HERC2: variants seen among roughly 807,000 people sequenced by gnomAD.
HERC2 encodes HECT and RLD domain containing E3 ubiquitin protein ligase 2, also known as E3 ubiquitin-protein ligase HERC2.
HERC2 carries 102 observed loss-of-function variants against 537.7 expected under a neutral mutation model. That is an observed-to-expected ratio of 0.19 (90% CI 0.16 to 0.22). The LOEUF (loss-of-function observed/expected upper bound fraction) is 0.22, where lower values mean the gene tolerates loss of function less well. HERC2 is among the 10% of genes least tolerant of loss of function. The probability of loss-of-function intolerance (pLI) is 1.00; values close to 1 mark genes in which losing one functional copy is unlikely to be tolerated. For synonymous variants in HERC2, 2,224 were observed against 2,466.2 expected (o/e 0.90, Z 2.91); for missense variants, 4,236 against 6,198.2 (o/e 0.68, Z 10.63).
chr15:28,215,659 C>G lies in HERC2; in HGVS notation c.6172G>C (p.Gly2058Arg). 1.9e-6 allele frequency: 3 copies of G among 1,611,756 alleles called. No individual in the cohort carries two copies. Among genetic ancestry groups the G allele is most frequent in the Non-Finnish European group, 1.7e-6 (2 of 1,179,694 alleles). The part of the protein sequence containing the change: ...WITLLMKVVE[G>R]HAPFTATSLQ... ...GAGGTGGCAGTGAAGGGTGCGTGCCCTTCCACGACCTTCATGAGCAGCGTG... is the reference window on the plus strand; with the variant it reads ...GAGGTGGCAGTGAAGGGTGCGTGCCGTTCCACGACCTTCATGAGCAGCGTG... Residue 2058 changes from glycine (G) to arginine (R), a missense_variant, in exon 39 of 93, where the codon GGG becomes CGG. Around this residue, in one of 27 missense-constraint regions of HERC2, gnomAD observed 365 missense variants for 468.8 expected, o/e 0.78. Coordinates refer to ENST00000261609, the MANE Select transcript of HERC2 (RefSeq NM_004667.6).
chr15:28,290,969 A>G (rs1429538147), intron 4 of HERC2, among the ~76,000 whole-genome samples: 1 of 152,222 alleles, frequency 6.6e-6, no homozygotes, highest in Non-Finnish European at 1.5e-5. Context: ...AATAAAGAGT[A>G]AAGCAGAAAT....
Position 28,177,891 on chromosome 15 carries a change from A to G in HERC2, c.9164-382T>C, listed in dbSNP as rs61489954. 0.047 allele frequency among the ~76,000 whole-genome samples: 7,136 copies of G among 152,290 alleles called. 541 individuals are homozygous for G. The highest frequency in any genetic ancestry group is 0.16 in the African/African-American group (6,753 of 41,520). On this transcript the variant is annotated intron_variant, in intron 59 of 92. Transcript: ENST00000261609. The surrounding 1 kb of genome is among the most constrained non-coding windows in gnomAD (Gnocchi z 5.0). ...TTTAAGTTTTTGAGAACTGTACCTC[A>G]ACAGTGAAATTATTCAATCATTTGC...
intron 14 of HERC2, 97 bp from the exon 15 acceptor site, chr15:28,263,266 C>CT (rs1465422541): frequency 4.5e-6 from 6 of 1,331,424 alleles, no homozygotes. Flanking sequence ...GCACACTAAT[C>CT]TAGACCACTC....
Position 28,229,313 on chromosome 15 carries a change from A to G in HERC2, c.5154T>C (p.Asp1718=), listed in dbSNP as rs1325492752. 1.2e-6 allele frequency: 2 copies of G among 1,612,920 alleles called. No homozygotes were observed. The highest frequency in any genetic ancestry group is 1.3e-5 in the African/African-American group (1 of 74,922). The change falls in exon 34 of 93, where the codon GAT becomes GAC. Residue 1718 remains aspartate, a synonymous_variant. Coordinates refer to ENST00000261609, the MANE Select transcript of HERC2 (RefSeq NM_004667.6). ...EPLTDCLKDV[D]LIPPFNRMLL... ...GCATCCGATTAAAAGGCGGGATCAAATCAACATCCTTTAAACAATCAGTAA... is the reference window on the plus strand; with the variant it reads ...GCATCCGATTAAAAGGCGGGATCAAGTCAACATCCTTTAAACAATCAGTAA...
intron 3 of HERC2, among the ~76,000 whole-genome samples, chr15:28,294,592 CCTT>C (rs1457648044): frequency 7.9e-5 from 12 of 150,980 alleles, no homozygotes; most frequent in Admixed American, 7.3e-4. Context: ...CAAACAACCT[CCTT>C]ATCGCGGAAA....
rs574541167 is a variant in HERC2 at position 28,208,642 on chromosome 15, A to G, written c.7070-2260T>C. On this transcript the variant is annotated intron_variant, in intron 44 of 92. Transcript: ENST00000261609. The stretch of plus-strand genomic sequence containing the variant: ...CCATCCAGCTTCAGCCCCACCACTC[A>G]TCGACAAACCCTGAGCTCCAAGCAA... Among the ~76,000 whole-genome samples the G allele has an allele frequency of 3.3e-5, 5 of 152,188 alleles. No individual in the cohort carries two copies. In the East Asian group the frequency reaches 9.7e-4, roughly 29 times the overall value.
chr15:28,278,833 C>A (rs2075948134), intron 5 of HERC2, among the ~76,000 whole-genome samples: 1 of 152,232 alleles, frequency 6.6e-6, no homozygotes, highest in Non-Finnish European at 1.5e-5. Context: ...TTTCATCTGG[C>A]AGTCTTGTAG....
intron 2 of HERC2, among the ~76,000 whole-genome samples, chr15:28,304,702 A>ATTTTTTTTT (rs780900477): frequency 1.3e-4 from 14 of 108,294 alleles, no homozygotes; most frequent in South Asian, 2.9e-4. Flanking sequence ...AAGGGCTTCC[A>ATTTTTTTTT]TTTTTTTTTT....
intron 75 of HERC2, 169 bp from the exon 76 acceptor site, chr15:28,142,562 C>A (rs1280283503): frequency 2.8e-6 from 2 of 725,992 alleles, no homozygotes; most frequent in Admixed American, 5.9e-5. Flanking sequence ...TTCCTAGCCA[C>A]GTGCCACACA....
At chr15:28,153,831 A>G (rs1186521911) in intron 69 of HERC2, among the ~76,000 whole-genome samples, 1 of 152,166 alleles carries the variant, frequency 6.6e-6, no homozygotes, top group Non-Finnish European at 1.5e-5. Context: ...AGGAGCACCC[A>G]GTAGGTGAAA....
intron 57 of HERC2, among the ~76,000 whole-genome samples, chr15:28,179,624 T>A (rs1441442031): frequency 6.6e-6 from 1 of 152,246 alleles, no homozygotes; most frequent in Non-Finnish European, 1.5e-5. Flanking sequence ...ACTTTTTTGT[T>A]TTTTAAGCTA....
At chr15:28,279,399 A>G (rs2075963160) in intron 5 of HERC2, among the ~76,000 whole-genome samples, 2 of 152,244 alleles carry the variant, frequency 1.3e-5, no homozygotes, top group African/African-American at 4.8e-5. Flanking sequence ...CCTACCCAGC[A>G]GCAAAACAAA....
chr15:28,261,089 G>T, intron 15 of HERC2, 119 bp from the exon 16 acceptor site: 1 of 705,376 alleles, frequency 1.4e-6, no homozygotes, highest in African/African-American at 1.8e-5. Flanking sequence ...AGGATAATCT[G>T]CTTTGCTTTA....
chr15:28,165,021 T>G (rs1400254870), intron 68 of HERC2, among the ~76,000 whole-genome samples: 1 of 152,206 alleles, frequency 6.6e-6, no homozygotes, highest in Non-Finnish European at 1.5e-5. Context: ...GTGTTTGCCC[T>G]CAAGGTGGAA....
rs750173093 is a variant in HERC2, at chr15:28,146,314, C to T, written c.10931G>A (p.Arg3644Gln). The change falls in exon 71 of 93, where the codon CGG becomes CAG. Residue 3644 changes from arginine (R) to glutamine (Q), a missense_variant. This residue lies in a region of HERC2 where 356 missense variants were observed against 450.9 expected (regional missense o/e 0.79). Transcript: ENST00000261609. ...GTGGCGCCTCTCTGTGGAGCACTGC[C>T]GGTCAAATTCTACCCTGAGTCCTTC... ...GAEGLRVEFD[R>Q]QCSTERRHDP... is the part of the protein sequence containing the mutation. 9.9e-6 allele frequency: 16 copies of T among 1,613,980 alleles called. No individual in the cohort carries two copies. The highest frequency in any genetic ancestry group is 2.2e-5 in the South Asian group (2 of 91,058).
chr15:28,278,090 T>C (rs1185421001), intron 5 of HERC2, among the ~76,000 whole-genome samples: 6 of 148,750 alleles, frequency 4.0e-5, no homozygotes, highest in Admixed American at 6.7e-5. Context: ...ACCCAATCTA[T>C]ACAAATTAAA....
At chr15:28,161,377 A>C (rs1280978146) in intron 69 of HERC2, among the ~76,000 whole-genome samples, 1 of 152,180 alleles carries the variant, frequency 6.6e-6, no homozygotes, top group Non-Finnish European at 1.5e-5. Context: ...ACAGAGTAAG[A>C]CTTTCCTCCA....
Position 28,228,201 on chromosome 15 carries a change from A to G in HERC2, c.5464+17T>C. ...CTTGACATTTTCCCAAAGGCGCTCA[A>G]GCGGGTGCAGACCTACCAATCAGGC... On this transcript the variant is annotated intron_variant, in intron 35 of 92. Transcript: ENST00000261609. The G allele has an allele frequency of 6.2e-7, 1 of 1,610,264 alleles. No individual in the cohort carries two copies.
chr15:28,141,938 A>C (rs1424569278), intron 76 of HERC2, 92 bp from the exon 77 acceptor site: 1 of 1,011,660 alleles, frequency 9.9e-7, no homozygotes, highest in Non-Finnish European at 1.5e-6. Flanking sequence ...TCCCTGCCTA[A>C]AAATATGAGG....
Sources: allele counts gnomAD v4.1 joint callset (sites outside exome capture counted in the v4.1 genomes callset), GRCh38; gene constraint gnomAD v4.1.1; regional missense constraint gnomAD v4.1.1; non-coding constraint Gnocchi (gnomAD v3.1); transcripts MANE v1.5; gene names NCBI Gene and HGNC (gene_info 2026-07-23, HGNC 2026-07-21).